Variants in SHB observed in about 807,000 individuals in gnomAD.
SHB encodes SH2 domain-containing adapter protein B.
Under a neutral mutation model 52.3 loss-of-function variants are expected in SHB, and 20 were observed. The ratio of observed to expected loss-of-function variants is 0.38; its 90% CI spans 0.27 to 0.56. The LOEUF (loss-of-function observed/expected upper bound fraction) is 0.56. Among genes scored for constraint, SHB ranks in the 20% least tolerant of loss-of-function variants. SHB has a pLI of 0.71. For missense variants in SHB, 825 were observed against 723.3 expected, an observed-to-expected ratio of 1.14 and a Z score of -1.61; for synonymous variants, 397 against 316.5, an observed-to-expected ratio of 1.25 and a Z score of -2.70.
intron 4 of SHB, among the ~76,000 whole-genome samples, chr9:37,951,721 C>T (rs1424709523): frequency 6.6e-6 from 1 of 152,230 alleles, no homozygotes. Flanking sequence ...AGGTGGTTAA[C>T]AGGATAAGCT....
intron 2 of SHB, among the ~76,000 whole-genome samples, chr9:37,994,505 C>T (rs1337970981): frequency 6.6e-6 from 1 of 152,250 alleles, no homozygotes; most frequent in Non-Finnish European, 1.5e-5. Context: ...TAGGTTCAAA[C>T]CCTGGCTCTG....
Position 37,990,913 on chromosome 9 carries a change from T to C in SHB, c.839-16076A>G, listed in dbSNP as rs372989003. Among the ~76,000 whole-genome samples the C allele has an allele frequency of 2.2e-4, 33 of 152,354 alleles. No homozygotes were observed. The East Asian group carries it at 3.5e-3, about 16-fold the overall frequency. Reference sequence around the variant, plus strand: ...TAATGTAGAAAACTGTGTTTGTAGATACGCACAGATGTGTATTTTTGTAAG... The same window carrying C: ...TAATGTAGAAAACTGTGTTTGTAGACACGCACAGATGTGTATTTTTGTAAG... On this transcript the variant is annotated intron_variant, in intron 2 of 5. Coordinates refer to ENST00000377707, the MANE Select transcript of SHB (RefSeq NM_003028.3).
At chr9:37,958,885 G>A (rs1832664452) in intron 3 of SHB, among the ~76,000 whole-genome samples, 1 of 152,156 alleles carries the variant, frequency 6.6e-6, no homozygotes, top group African/African-American at 2.4e-5. Flanking sequence ...AGAGAAAGAG[G>A]TGAAGCAGGT....
At chr9:38,047,709 T>C (rs999613362) in intron 1 of SHB, among the ~76,000 whole-genome samples, 1 of 152,242 alleles carries the variant, frequency 6.6e-6, no homozygotes, top group Non-Finnish European at 1.5e-5. Context: ...CCCCCATCTT[T>C]ACAGGTCAGG....
chr9:37,952,154 G>A lies in SHB; in HGVS notation c.1227-3400C>T, dbSNP rs535194216. On this transcript the variant is annotated intron_variant, in intron 4 of 5. Transcript: ENST00000377707. ...GATGAAGGGAGAGGAAGAGTCAACA[G>A]AGAGATACAGGAAACAATTCCAGAT... Among the ~76,000 whole-genome samples the A allele has an allele frequency of 2.8e-5, 4 of 144,878 alleles. No homozygotes were observed. The East Asian group carries it at 8.0e-4, about 29-fold the overall frequency.
intron 5 of SHB, among the ~76,000 whole-genome samples, chr9:37,935,415 G>A (rs1344554184): frequency 6.6e-6 from 1 of 152,198 alleles, no homozygotes; most frequent in Non-Finnish European, 1.5e-5. Flanking sequence ...CGGGCACACG[G>A]CTTGCTCTCT....
chr9:38,056,281 TA>T (rs993676664), intron 1 of SHB, among the ~76,000 whole-genome samples: 5 of 150,176 alleles, frequency 3.3e-5, no homozygotes, highest in African/African-American at 4.9e-5. Flanking sequence ...AATTTTAATG[TA>T]AAAAAAAAAT....
intron 3 of SHB, among the ~76,000 whole-genome samples, chr9:37,966,184 T>C (rs1373183038): frequency 6.6e-6 from 1 of 152,230 alleles, no homozygotes; most frequent in East Asian, 1.9e-4. Flanking sequence ...CAGGCACAGA[T>C]CACAGGTGTG....
At chr9:37,930,834 T>C (rs933863690) in intron 5 of SHB, among the ~76,000 whole-genome samples, 1 of 152,114 alleles carries the variant, frequency 6.6e-6, no homozygotes, top group African/African-American at 2.4e-5. Flanking sequence ...AAAAGAAAGT[T>C]GGGGGCATCA....
chr9:38,013,856 C>G (rs929209588), intron 2 of SHB, among the ~76,000 whole-genome samples: 1 of 152,188 alleles, frequency 6.6e-6, no homozygotes, highest in African/African-American at 2.4e-5. Flanking sequence ...GTTCTGCACT[C>G]AGGGCAAGCC....
intron 2 of SHB, among the ~76,000 whole-genome samples, chr9:37,997,326 T>G (rs1298242119): frequency 6.6e-6 from 1 of 152,118 alleles, no homozygotes; most frequent in Non-Finnish European, 1.5e-5. Context: ...CACTGGTGGG[T>G]CCCCAGAGCC....
intron 1 of SHB, among the ~76,000 whole-genome samples, chr9:38,054,854 G>T (rs1240689434): frequency 2.0e-5 from 3 of 152,226 alleles, no homozygotes; most frequent in Non-Finnish European, 2.9e-5. Context: ...GTCAACCCCA[G>T]CTGTGCAAAG....
At chr9:37,922,550 A>G (rs1202091015) in intron 5 of SHB, among the ~76,000 whole-genome samples, 1 of 151,612 alleles carries the variant, frequency 6.6e-6, no homozygotes, top group African/African-American at 2.4e-5. Flanking sequence ...CCCCCAACAC[A>G]CTCCTATCTC....
chr9:38,038,257 G>A (rs1821515348), intron 1 of SHB, among the ~76,000 whole-genome samples: 1 of 152,166 alleles, frequency 6.6e-6, no homozygotes, highest in Admixed American at 6.5e-5. Flanking sequence ...GGGACCTCCA[G>A]ACTTAAGAGC....
chr9:38,012,149 C>A (rs1821148910), intron 2 of SHB, among the ~76,000 whole-genome samples: 2 of 152,160 alleles, frequency 1.3e-5, no homozygotes, highest in Non-Finnish European at 2.9e-5. Context: ...ATCTCCCCAC[C>A]ACCTGCTGCA....
intron 5 of SHB, among the ~76,000 whole-genome samples, chr9:37,926,053 T>C (rs1214229726): frequency 6.6e-6 from 1 of 151,980 alleles, no homozygotes; most frequent in African/African-American, 2.4e-5. Flanking sequence ...ACAGGGAAGT[T>C]TGTGCGGAAT....
At chr9:37,964,097 C>A (rs774706202) in intron 3 of SHB, among the ~76,000 whole-genome samples, 9 of 152,184 alleles carry the variant, frequency 5.9e-5, no homozygotes, top group African/African-American at 2.2e-4. Flanking sequence ...GGACAAGTGG[C>A]TTAGCAAATG....
intron 5 of SHB, among the ~76,000 whole-genome samples, chr9:37,931,674 G>A (rs1163785787): frequency 6.6e-6 from 1 of 152,222 alleles, no homozygotes; most frequent in Non-Finnish European, 1.5e-5. Context: ...TTATGGAAAA[G>A]AGTAAAGAGC....
Position 37,955,879 on chromosome 9 carries a change from T to C in SHB, c.1226+4A>G, listed in dbSNP as rs1564087626. On this transcript the variant is annotated splice_donor_region_variant and intron_variant, in intron 4 of 5. Coordinates refer to ENST00000377707, the MANE Select transcript of SHB (RefSeq NM_003028.3). ...GAGGTTGGGCTTTGCTCCCAAGAAC[T>C]TACATTTGCTTCTCCAGGGGGACGG... 6.2e-7 allele frequency: 1 copy of C among 1,612,768 alleles called. No individual in the cohort carries two copies. The highest frequency in any genetic ancestry group is 2.2e-5 in the East Asian group (1 of 44,810).
Sources: gnomAD v4.1 joint callset for allele counts (sites outside exome capture counted in the v4.1 genomes callset) on GRCh38, gnomAD v4.1.1 for gene constraint, MANE v1.5 for transcripts, NCBI Gene and HGNC (gene_info 2026-07-23, HGNC 2026-07-21) for gene names.